The following RPS6KC1 variants were observed in gnomAD, a reference collection of about 807,000 sequenced individuals.
RPS6KC1 encodes inactive ribosomal protein S6 kinase delta-1.
Under a neutral mutation model 103.8 loss-of-function variants are expected in RPS6KC1, and 54 were observed. The ratio of observed to expected loss-of-function variants is 0.52; its 90% CI spans 0.42 to 0.65. The LOEUF (loss-of-function observed/expected upper bound fraction) is 0.65, where lower values mean the gene tolerates loss of function less well. Ranked by LOEUF, RPS6KC1 falls within the 30% of genes least tolerant of loss-of-function variation. RPS6KC1 has a pLI of 0.00. For synonymous variants in RPS6KC1, 439 were observed against 438.7 expected, an observed-to-expected ratio of 1.00 and a Z score of -0.01; for missense variants, 1,151 against 1,253.8, an observed-to-expected ratio of 0.92 and a Z score of 1.24.
At chr1:213,815,239 C>T in the RPS6KC1 span, among the ~76,000 whole-genome samples, 1 of 152,170 alleles carries the variant, frequency 6.6e-6, no homozygotes, top group Non-Finnish European at 1.5e-5. Flanking sequence ...CTTCCTGAGG[C>T]CTTCCCAGCC....
chr1:213,645,721 G>A, the RPS6KC1 span, among the ~76,000 whole-genome samples: 985 of 152,266 alleles, frequency 6.5e-3, 5 homozygotes, highest in African/African-American at 0.022. Flanking sequence ...GATACAATTT[G>A]TTAGTCCACC....
the RPS6KC1 span, among the ~76,000 whole-genome samples, chr1:213,766,935 A>T: frequency 2.7e-3 from 402 of 151,396 alleles, 2 homozygotes; most frequent in African/African-American, 9.3e-3. Context: ...TTCAACCAGA[A>T]CCCCGGTTTT....
chr1:213,145,892 A>G (rs1026907484), intron 6 of RPS6KC1, among the ~76,000 whole-genome samples: 5 of 150,794 alleles, frequency 3.3e-5, no homozygotes, highest in Non-Finnish European at 7.4e-5. Context: ...TATGTTTTTA[A>G]AAAATGTACA....
the RPS6KC1 span, among the ~76,000 whole-genome samples, chr1:213,347,202 A>G: frequency 6.6e-6 from 1 of 152,226 alleles, no homozygotes; most frequent in East Asian, 1.9e-4. Context: ...AGTTGGATGC[A>G]AAACAGGTGG....
the RPS6KC1 span, among the ~76,000 whole-genome samples, chr1:213,466,377 T>C: frequency 6.6e-5 from 10 of 152,164 alleles, no homozygotes; most frequent in Non-Finnish European, 1.5e-4. Flanking sequence ...GATGGCAAGA[T>C]TGGGCAAACA....
chr1:213,595,571 G>A, the RPS6KC1 span, among the ~76,000 whole-genome samples: 4 of 152,198 alleles, frequency 2.6e-5, no homozygotes, highest in Non-Finnish European at 4.4e-5. Flanking sequence ...TGGCTGGGAC[G>A]CAAACCATCA....
chr1:213,115,892 G>C (rs1362470544), intron 4 of RPS6KC1, among the ~76,000 whole-genome samples: 2 of 152,158 alleles, frequency 1.3e-5, no homozygotes, highest in Admixed American at 1.3e-4. Flanking sequence ...CTGAGTTCTA[G>C]TTTGATTGCA....
At position 213,145,100 on chromosome 1, in the gene RPS6KC1, C is replaced by T. The variant is rs1441086371; in HGVS notation, c.835+15211C>T. ...AAAAAAAAAGATTTATACTGCTGAC[C>T]AAGATAGGTAACAGTCTTTCCTGAA... is the stretch of plus-strand genomic sequence containing the variant. On this transcript the variant is annotated intron_variant, in intron 6 of 14. Coordinates refer to ENST00000366960, the MANE Select transcript of RPS6KC1 (RefSeq NM_012424.6). Among the ~76,000 whole-genome samples the T allele has an allele frequency of 2.6e-5, 4 of 152,056 alleles. No homozygotes were observed. The South Asian group carries it at 6.2e-4, about 24-fold the overall frequency.
chr1:213,626,603 A>G, the RPS6KC1 span, among the ~76,000 whole-genome samples: 1 of 152,190 alleles, frequency 6.6e-6, no homozygotes, highest in Non-Finnish European at 1.5e-5. Flanking sequence ...TAATTTTTGT[A>G]TAAGGTGTGA....
the RPS6KC1 span, among the ~76,000 whole-genome samples, chr1:213,711,953 C>T: frequency 1.3e-5 from 2 of 152,182 alleles, no homozygotes; most frequent in Non-Finnish European, 2.9e-5. Context: ...TCTGTTGACC[C>T]CTGATGGGAG....
At chr1:213,354,357 A>G in the RPS6KC1 span, among the ~76,000 whole-genome samples, 8 of 152,208 alleles carry the variant, frequency 5.3e-5, no homozygotes, top group Non-Finnish European at 1.0e-4. Flanking sequence ...CTCAGGAATT[A>G]GAACCCTCTC....
the RPS6KC1 span, among the ~76,000 whole-genome samples, chr1:213,370,175 G>A: frequency 6.6e-6 from 1 of 152,072 alleles, no homozygotes; most frequent in East Asian, 1.9e-4. Flanking sequence ...CCTTCTCAGG[G>A]GTGGTGGGAC....
At chr1:213,139,971 T>A (rs1421502462) in intron 6 of RPS6KC1, among the ~76,000 whole-genome samples, 1 of 152,134 alleles carries the variant, frequency 6.6e-6, no homozygotes, top group Admixed American at 6.6e-5. Context: ...CTTTTATCCA[T>A]GAGCATGGAA....
chr1:213,762,371 T>C, the RPS6KC1 span, among the ~76,000 whole-genome samples: 1 of 152,184 alleles, frequency 6.6e-6, no homozygotes, highest in East Asian at 1.9e-4. Flanking sequence ...GGGAAACACA[T>C]CTTTACTTCA....
At chr1:213,777,232 C>T in the RPS6KC1 span, among the ~76,000 whole-genome samples, 7 of 152,060 alleles carry the variant, frequency 4.6e-5, no homozygotes, top group South Asian at 1.2e-3. Context: ...TAGCTTTTGG[C>T]GTTTGTTGGC....
chr1:213,789,808 A>G, the RPS6KC1 span, among the ~76,000 whole-genome samples: 1 of 152,204 alleles, frequency 6.6e-6, no homozygotes, highest in Admixed American at 6.5e-5. Flanking sequence ...GCCTAATGCC[A>G]TCCATATTCG....
chr1:213,088,850 T>G (rs1028138237), intron 3 of RPS6KC1, among the ~76,000 whole-genome samples: 2 of 152,164 alleles, frequency 1.3e-5, no homozygotes, highest in African/African-American at 4.8e-5. Flanking sequence ...AGGCTGATTA[T>G]AGGATTACAG....
chr1:213,059,226 G>C (rs1244319841), intron 1 of RPS6KC1, among the ~76,000 whole-genome samples: 1 of 152,168 alleles, frequency 6.6e-6, no homozygotes, highest in African/African-American at 2.4e-5. Flanking sequence ...TGACTTATTA[G>C]TTCTAAGACT....
the RPS6KC1 span, among the ~76,000 whole-genome samples, chr1:213,834,935 T>C: frequency 6.6e-6 from 1 of 152,212 alleles, no homozygotes; most frequent in African/African-American, 2.4e-5. Flanking sequence ...ATTGACATTC[T>C]AGTATGTGCT....
Sources: allele counts gnomAD v4.1 joint callset (sites outside exome capture counted in the v4.1 genomes callset), GRCh38; gene constraint gnomAD v4.1.1; transcripts MANE v1.5; gene names NCBI Gene and HGNC (gene_info 2026-07-23, HGNC 2026-07-21).